The following PCDH15 variants were observed in gnomAD, a reference collection of about 807,000 sequenced individuals.
PCDH15 encodes protocadherin-15.
Under a neutral mutation model 178.5 loss-of-function variants are expected in PCDH15, and 129 were observed. That is an observed-to-expected ratio of 0.72 (90% CI 0.63 to 0.84). The LOEUF is 0.84. Ranked by LOEUF, PCDH15 falls within the 40% of genes least tolerant of loss-of-function variation. The pLI, the probability that PCDH15 is intolerant of heterozygous loss-of-function variation, is 0.00. For synonymous variants in PCDH15, 800 were observed against 732.0 expected (o/e 1.09, Z -1.50); for missense variants, 2,230 against 2,099.9 (o/e 1.06, Z -1.21).
chr10:53,855,920 A>ATATATATATATATGTGTGTGTG lies in PCDH15; in HGVS notation c.3806+1254_3806+1255insCACACACACATATATATATATA, dbSNP rs1201156130. Among the ~76,000 whole-genome samples the ATATATATATATATGTGTGTGTG allele has an allele frequency of 7.1e-4, 99 of 140,404 alleles. 5 individuals are homozygous for ATATATATATATATGTGTGTGTG. The South Asian group carries it at 0.021, about 30-fold the overall frequency. The allele number at this position is 140,404 out of a possible 152,430, so 92.1% of individuals were successfully genotyped here. On this transcript the variant is annotated intron_variant, in intron 28 of 37. Transcript: ENST00000644397. ...AGGTGATATGTATATATATATATATATGTATGTGTGTGTGTGTAATGAAAT... is the reference window on the plus strand; with the variant it reads ...AGGTGATATGTATATATATATATATATATATATATATATGTGTGTGTGTGTATGTGTGTGTGTGTAATGAAAT...
chr10:54,920,268 A>C (rs959294983), intron 2 of PCDH15, among the ~76,000 whole-genome samples: 3 of 152,192 alleles, frequency 2.0e-5, no homozygotes, highest in African/African-American at 7.2e-5. Context: ...CAGGAGATCG[A>C]GACCATCGTG....
At chr10:55,173,356 T>C (rs1364098557) in intron 1 of PCDH15, among the ~76,000 whole-genome samples, 1 of 151,436 alleles carries the variant, frequency 6.6e-6, no homozygotes, top group Non-Finnish European at 1.5e-5. Context: ...TATGTGTATG[T>C]AGAAGGATGG....
intron 2 of PCDH15, among the ~76,000 whole-genome samples, chr10:55,337,612 C>A (rs1844429866): frequency 6.6e-6 from 1 of 152,054 alleles, no homozygotes; most frequent in Non-Finnish European, 1.5e-5. Context: ...GCAAAGTGTA[C>A]TTTGGATAGG....
intron 2 of PCDH15, among the ~76,000 whole-genome samples, chr10:54,628,495 G>T (rs747730742): frequency 4.6e-5 from 7 of 152,134 alleles, no homozygotes; most frequent in Non-Finnish European, 8.8e-5. Flanking sequence ...AAAAGGTACA[G>T]GGAAGCAGAC....
chr10:54,930,147 T>C (rs551974023), intron 2 of PCDH15, among the ~76,000 whole-genome samples: 1 of 152,228 alleles, frequency 6.6e-6, no homozygotes, highest in South Asian at 2.1e-4. Flanking sequence ...GCCAACCACG[T>C]GTACAGTAAG....
At chr10:55,201,686 G>T (rs562357924) in intron 1 of PCDH15, among the ~76,000 whole-genome samples, 1 of 152,218 alleles carries the variant, frequency 6.6e-6, no homozygotes, top group East Asian at 1.9e-4. Flanking sequence ...CCACTGATAC[G>T]TGAAAACGTG....
rs140863313 is a variant in PCDH15, at chr10:55,239,342, G to A, written c.-155-72691C>T. On this transcript the variant is annotated intron_variant, in intron 1 of 5. Transcript: ENST00000458638. Reference sequence around the variant, plus strand: ...CAATGAACATGGTACTGGCATAAAAGTAGGCACATAGACACTTGCAACATA... The same window carrying A: ...CAATGAACATGGTACTGGCATAAAAATAGGCACATAGACACTTGCAACATA... Among the ~76,000 whole-genome samples the A allele has an allele frequency of 5.5e-3, 841 of 152,150 alleles. 11 individuals are homozygous for A. The highest frequency in any genetic ancestry group is 0.019 in the African/African-American group (790 of 41,530).
At chr10:54,578,546 A>G (rs1201765182) in intron 2 of PCDH15, among the ~76,000 whole-genome samples, 1 of 152,118 alleles carries the variant, frequency 6.6e-6, no homozygotes, top group Non-Finnish European at 1.5e-5. Flanking sequence ...ATTTTAAAAT[A>G]AGATACTATT....
At chr10:54,302,545 A>G (rs529371677) in intron 8 of PCDH15, among the ~76,000 whole-genome samples, 2 of 152,304 alleles carry the variant, frequency 1.3e-5, no homozygotes, top group African/African-American at 4.8e-5. Flanking sequence ...TGAGGACACC[A>G]CTAACTGTGA....
At chr10:54,106,850 T>C (rs2136210814) in intron 15 of PCDH15, among the ~76,000 whole-genome samples, 1 of 152,350 alleles carries the variant, frequency 6.6e-6, no homozygotes, top group East Asian at 1.9e-4. Context: ...ACATGTTATA[T>C]AGCTTGAAGG....
chr10:54,315,933 T>G (rs753988979), intron 8 of PCDH15, among the ~76,000 whole-genome samples: 3 of 47,136 alleles, frequency 6.4e-5, no homozygotes, highest in Admixed American at 6.0e-4. Flanking sequence ...GTTTGTGTGT[T>G]TTTTTTGTTT....
chr10:54,041,840 T>C (rs2093554274), intron 18 of PCDH15, among the ~76,000 whole-genome samples: 1 of 152,084 alleles, frequency 6.6e-6, no homozygotes, highest in South Asian at 2.1e-4. Context: ...GACTTTCACA[T>C]TACTTGTATT....
At chr10:55,213,008 A>G (rs1227180401) in intron 1 of PCDH15, among the ~76,000 whole-genome samples, 2 of 152,164 alleles carry the variant, frequency 1.3e-5, no homozygotes, top group Non-Finnish European at 2.9e-5. Context: ...TGTCCAAGCT[A>G]GAAACTTTCT....
intron 1 of PCDH15, among the ~76,000 whole-genome samples, chr10:54,769,740 T>C (rs1948884367): frequency 6.6e-6 from 1 of 152,074 alleles, no homozygotes; most frequent in African/African-American, 2.4e-5. Context: ...AGTCCAGCTC[T>C]GGTGTCTGTA....
At chr10:54,991,638 T>C (rs1175022217) in intron 2 of PCDH15, among the ~76,000 whole-genome samples, 1 of 152,136 alleles carries the variant, frequency 6.6e-6, no homozygotes, top group Non-Finnish European at 1.5e-5. Flanking sequence ...CTCAGGCACT[T>C]TTCATTTAAA....
intron 15 of PCDH15, among the ~76,000 whole-genome samples, chr10:54,114,121 A>T (rs1179199427): frequency 1.3e-5 from 2 of 152,144 alleles, no homozygotes; most frequent in Non-Finnish European, 2.9e-5. Context: ...ACACAAAACC[A>T]AACCATATCA....
intron 2 of PCDH15, among the ~76,000 whole-genome samples, chr10:55,393,626 T>C (rs1837852842): frequency 2.0e-5 from 3 of 152,106 alleles, no homozygotes; most frequent in South Asian, 4.1e-4. Context: ...CTGAATTCCT[T>C]AAACTACAAG....
chr10:53,955,683 T>C (rs1322064657), intron 23 of PCDH15, among the ~76,000 whole-genome samples: 1 of 152,202 alleles, frequency 6.6e-6, no homozygotes, highest in Non-Finnish European at 1.5e-5. Flanking sequence ...TGAGCTATCA[T>C]TTTTATATTT....
intron 2 of PCDH15, among the ~76,000 whole-genome samples, chr10:55,157,123 C>A (rs1838910614): frequency 9.7e-6 from 1 of 103,086 alleles, no homozygotes; most frequent in African/African-American, 2.7e-5. Context: ...GTCATTCTAT[C>A]TATATCTATC....
Sources: allele counts gnomAD v4.1 joint callset (sites outside exome capture counted in the v4.1 genomes callset), GRCh38; gene constraint gnomAD v4.1.1; transcripts MANE v1.5; gene names NCBI Gene and HGNC (gene_info 2026-07-23, HGNC 2026-07-21).